Variants in TMEM132D observed in about 807,000 individuals in gnomAD.
TMEM132D encodes transmembrane protein 132D.
TMEM132D carries 21 observed loss-of-function variants against 62.3 expected under a neutral mutation model. That is an observed-to-expected ratio of 0.34 (90% CI 0.24 to 0.49). TMEM132D has a LOEUF of 0.49. Ranked by LOEUF, TMEM132D falls within the 20% of genes least tolerant of loss-of-function variation. The probability of loss-of-function intolerance (pLI) is 0.99; values close to 1 mark genes in which losing one functional copy is unlikely to be tolerated. For synonymous variants in TMEM132D, 621 were observed against 575.6 expected, an observed-to-expected ratio of 1.08 and a Z score of -1.13; for missense variants, 1,346 against 1,402.8, an observed-to-expected ratio of 0.96 and a Z score of 0.65.
intron 1 of TMEM132D, among the ~76,000 whole-genome samples, chr12:129,727,271 C>T (rs1869068605): frequency 6.6e-6 from 1 of 152,178 alleles, no homozygotes; most frequent in South Asian, 2.1e-4. Context: ...AAGAGCATGG[C>T]ACTGGCATCC....
At chr12:129,420,267 A>G (rs982992274) in intron 3 of TMEM132D, among the ~76,000 whole-genome samples, 8 of 149,744 alleles carry the variant, frequency 5.3e-5, no homozygotes, top group Non-Finnish European at 8.8e-5. Context: ...TATCCCAAAC[A>G]ACATTATGAA....
At chr12:129,086,980 T>C (rs1004870153) in intron 5 of TMEM132D, among the ~76,000 whole-genome samples, 11 of 152,152 alleles carry the variant, frequency 7.2e-5, no homozygotes, top group African/African-American at 2.7e-4. Flanking sequence ...ATCAATAGTG[T>C]ATAAGTGTGA....
intron 1 of TMEM132D, among the ~76,000 whole-genome samples, chr12:129,793,403 G>A (rs142019345): frequency 5.9e-5 from 9 of 152,168 alleles, no homozygotes; most frequent in African/African-American, 1.2e-4. Context: ...ACAGGGTCTC[G>A]CTCTGTCACC....
chr12:129,727,135 G>A (rs563614609), intron 1 of TMEM132D, among the ~76,000 whole-genome samples: 3 of 152,314 alleles, frequency 2.0e-5, no homozygotes, highest in Non-Finnish European at 4.4e-5. Flanking sequence ...ATGTATGATT[G>A]TCCCTATTTT....
At chr12:129,809,222 C>T (rs181265548) in intron 1 of TMEM132D, among the ~76,000 whole-genome samples, 36 of 151,596 alleles carry the variant, frequency 2.4e-4, no homozygotes, top group African/African-American at 8.0e-4. Flanking sequence ...GCAGGAGAAT[C>T]GCTTGAACCC....
At chr12:129,470,541 C>T (rs917440120) in intron 3 of TMEM132D, among the ~76,000 whole-genome samples, 2 of 152,056 alleles carry the variant, frequency 1.3e-5, no homozygotes, top group African/African-American at 4.8e-5. Context: ...TTTTCTTGTC[C>T]TTATTTTTCA....
At chr12:129,192,312 C>A (rs1443142453) in intron 5 of TMEM132D, among the ~76,000 whole-genome samples, 1 of 138,656 alleles carries the variant, frequency 7.2e-6, no homozygotes, top group African/African-American at 2.5e-5. Flanking sequence ...TGACTGTAGC[C>A]ATGACCTCCA....
At chr12:129,419,667 G>A (rs887132807) in intron 3 of TMEM132D, among the ~76,000 whole-genome samples, 3 of 152,122 alleles carry the variant, frequency 2.0e-5, no homozygotes, top group South Asian at 2.1e-4. Flanking sequence ...TGCATTTTCT[G>A]CTACTTACAA....
At chr12:129,821,589 G>A (rs769206555) in intron 1 of TMEM132D, among the ~76,000 whole-genome samples, 25 of 152,168 alleles carry the variant, frequency 1.6e-4, no homozygotes, top group Non-Finnish European at 3.1e-4. Context: ...AAACCCATTC[G>A]ATCTGAAGAA....
chr12:129,499,227 C>T (rs1462208196), intron 3 of TMEM132D, among the ~76,000 whole-genome samples: 1 of 152,034 alleles, frequency 6.6e-6, no homozygotes, highest in Non-Finnish European at 1.5e-5. Flanking sequence ...AAACAAATAA[C>T]ATAATAAAAG....
At chr12:129,665,315 G>C (rs1329692207) in intron 2 of TMEM132D, among the ~76,000 whole-genome samples, 3 of 152,136 alleles carry the variant, frequency 2.0e-5, no homozygotes, top group Non-Finnish European at 4.4e-5. Context: ...AAGAGGTTTA[G>C]ATGTACCAGC....
intron 1 of TMEM132D, among the ~76,000 whole-genome samples, chr12:129,704,433 C>A (rs937161872): frequency 8.5e-5 from 13 of 152,236 alleles, no homozygotes; most frequent in African/African-American, 2.9e-4. Context: ...CGCCGCGCTG[C>A]ACAGAAAGCC....
chr12:129,815,510 C>A (rs1872319151), intron 1 of TMEM132D, among the ~76,000 whole-genome samples: 1 of 152,182 alleles, frequency 6.6e-6, no homozygotes, highest in Non-Finnish European at 1.5e-5. Context: ...GTTCCAGGAG[C>A]CACCCCCACC....
chr12:129,377,614 A>G (rs1315308657), intron 3 of TMEM132D, among the ~76,000 whole-genome samples: 1 of 152,204 alleles, frequency 6.6e-6, no homozygotes, highest in Non-Finnish European at 1.5e-5. Flanking sequence ...AGAATCCACA[A>G]AAGGAATCTT....
In TMEM132D at chr12:129,616,523, G is replaced by A. The variant is rs568476047; in HGVS notation, c.968+83287C>T. Among the ~76,000 whole-genome samples the A allele has an allele frequency of 5.3e-5, 8 of 152,266 alleles. No homozygotes were observed. The South Asian group carries it at 6.2e-4, about 12-fold the overall frequency. ...ACAGTTCTCATAATCCCCATGTATCGTGGGAGGGACCCAGTGGGAGGAAAT... is the reference window on the plus strand; with the variant it reads ...ACAGTTCTCATAATCCCCATGTATCATGGGAGGGACCCAGTGGGAGGAAAT... On this transcript the variant is annotated intron_variant, in intron 2 of 8. Coordinates refer to ENST00000422113, the MANE Select transcript of TMEM132D (RefSeq NM_133448.3).
intron 3 of TMEM132D, among the ~76,000 whole-genome samples, chr12:129,444,611 C>T (rs965583258): frequency 6.6e-6 from 1 of 152,162 alleles, no homozygotes; most frequent in East Asian, 1.9e-4. Context: ...TGCTCTCCCC[C>T]TCCCCACCCT....
intron 1 of TMEM132D, among the ~76,000 whole-genome samples, chr12:129,711,251 C>T (rs2137236318): frequency 6.6e-6 from 1 of 152,314 alleles, no homozygotes; most frequent in African/African-American, 2.4e-5. Flanking sequence ...ATGCCAAAAC[C>T]TTGGCGCCAT....
chr12:129,513,421 A>G (rs918995169), intron 3 of TMEM132D, among the ~76,000 whole-genome samples: 7 of 151,558 alleles, frequency 4.6e-5, no homozygotes, highest in African/African-American at 1.7e-4. Flanking sequence ...ATGGGGACCA[A>G]TTTTTTTTTA....
intron 5 of TMEM132D, chr12:129,085,852 G>T (rs925975421): frequency 6.6e-6 from 1 of 152,264 alleles, no homozygotes; most frequent in Non-Finnish European, 1.5e-5. Flanking sequence ...TTGTTCTCTT[G>T]TCTTGTCTCC....
Sources: allele counts gnomAD v4.1 joint callset (sites outside exome capture counted in the v4.1 genomes callset), GRCh38; gene constraint gnomAD v4.1.1; transcripts MANE v1.5; gene names NCBI Gene and HGNC (gene_info 2026-07-23, HGNC 2026-07-21).